The following PELI2 variants were observed in gnomAD, a reference collection of about 807,000 sequenced individuals.
PELI2 encodes the protein E3 ubiquitin-protein ligase pellino homolog 2.
In PELI2, 23 loss-of-function variants were observed where a neutral mutation model predicts 42.3. That is an observed-to-expected ratio of 0.54 (90% CI 0.39 to 0.77). PELI2 has a LOEUF of 0.77. Among genes scored for constraint, PELI2 ranks in the 30% least tolerant of loss-of-function variants. The pLI, the probability that PELI2 is intolerant of heterozygous loss-of-function variation, is 0.00. For synonymous variants in PELI2, 245 were observed against 212.2 expected (o/e 1.15, Z -1.34); for missense variants, 463 against 553.2 (o/e 0.84, Z 1.64).
intron 2 of PELI2, among the ~76,000 whole-genome samples, chr14:56,247,469 C>A (rs1466973903): frequency 1.1e-4 from 17 of 152,252 alleles, no homozygotes; most frequent in Admixed American, 1.1e-3. Flanking sequence ...TTGTCTGAAC[C>A]TACACATATA....
chr14:56,168,923 A>G (rs1885066646), intron 1 of PELI2, among the ~76,000 whole-genome samples: 1 of 151,998 alleles, frequency 6.6e-6, no homozygotes, highest in Non-Finnish European at 1.5e-5. Context: ...CCTTCCCTTC[A>G]AGGCAGTGGG....
intron 2 of PELI2, among the ~76,000 whole-genome samples, chr14:56,183,461 A>G (rs114055163): frequency 0.01 from 1,526 of 152,336 alleles, 28 homozygotes; most frequent in African/African-American, 0.034. Flanking sequence ...CGAAGTATCA[A>G]TATAATATAC....
intron 2 of PELI2, among the ~76,000 whole-genome samples, chr14:56,232,576 T>G (rs918985083): frequency 3.9e-5 from 6 of 151,928 alleles, no homozygotes; most frequent in Admixed American, 6.6e-5. Flanking sequence ...TGCTGAAAAC[T>G]CTCAATAAAC....
chr14:56,165,716 ATCTG>A (rs1423236772), intron 1 of PELI2, among the ~76,000 whole-genome samples: 1 of 152,150 alleles, frequency 6.6e-6, no homozygotes, highest in East Asian at 1.9e-4. Context: ...ATTGGGGCTT[ATCTG>A]TCTATCTAAA....
chr14:56,191,627 C>T (rs959881202), intron 2 of PELI2, among the ~76,000 whole-genome samples: 2 of 152,190 alleles, frequency 1.3e-5, no homozygotes, highest in Admixed American at 6.5e-5. Flanking sequence ...ATGAGGAACT[C>T]CTTCCATTCC....
chr14:56,296,361 A>G (rs1890001282), intron 5 of PELI2, among the ~76,000 whole-genome samples: 1 of 152,220 alleles, frequency 6.6e-6, no homozygotes, highest in Non-Finnish European at 1.5e-5. Flanking sequence ...ATGTAAAGCT[A>G]GGTATACATA....
At chr14:56,243,715 T>C (rs1888057742) in intron 2 of PELI2, among the ~76,000 whole-genome samples, 1 of 152,144 alleles carries the variant, frequency 6.6e-6, no homozygotes, top group Non-Finnish European at 1.5e-5. Flanking sequence ...AAGTGGTTCT[T>C]TGAAGTATAA....
chr14:56,215,969 A>G (rs556016376), intron 2 of PELI2, among the ~76,000 whole-genome samples: 52 of 152,342 alleles, frequency 3.4e-4, no homozygotes, highest in Non-Finnish European at 2.6e-4. Flanking sequence ...AGCTAATAAT[A>G]TGATTTTATT....
chr14:56,155,433 GT>G (rs1884520717), intron 1 of PELI2, among the ~76,000 whole-genome samples: 1 of 152,068 alleles, frequency 6.6e-6, no homozygotes, highest in Non-Finnish European at 1.5e-5. Context: ...AGTAGCTTCA[GT>G]TTCCCTAGCA....
intron 2 of PELI2, among the ~76,000 whole-genome samples, chr14:56,241,094 G>A (rs1887958619): frequency 1.6e-5 from 2 of 126,148 alleles, no homozygotes; most frequent in Admixed American, 1.7e-4. Flanking sequence ...ATCCCCAGGA[G>A]GTTTGAGTAT....
chr14:56,248,079 A>G (rs972827261), intron 2 of PELI2, among the ~76,000 whole-genome samples: 6 of 152,272 alleles, frequency 3.9e-5, no homozygotes, highest in African/African-American at 1.4e-4. Context: ...CCATTTGGCA[A>G]TTTTTTAGCA....
intron 2 of PELI2, among the ~76,000 whole-genome samples, chr14:56,229,892 G>A (rs558793701): frequency 6.6e-6 from 1 of 152,188 alleles, no homozygotes; most frequent in Non-Finnish European, 1.5e-5. Flanking sequence ...AAACAGCCTA[G>A]AGAAGACCTT....
intron 2 of PELI2, among the ~76,000 whole-genome samples, chr14:56,207,059 T>A (rs1044263043): frequency 1.2e-4 from 19 of 152,188 alleles, no homozygotes; most frequent in Non-Finnish European, 2.6e-4. Context: ...TTTAAATTAA[T>A]AACAAAAATT....
In PELI2 at chr14:56,293,972, T is replaced by G. The variant is rs144795361; in HGVS notation, c.697-2628T>G. Among the ~76,000 whole-genome samples the G allele has an allele frequency of 7.0e-3, 1,060 of 152,200 alleles. 10 individuals are homozygous for G. The highest frequency in any genetic ancestry group is 9.7e-3 in the Non-Finnish European group (657 of 68,004). ...CCTGCAATGAGGCCTCCTCTGAGAA[T>G]TGCCTGTGGTCAGCAAGGTCAGGAG... On this transcript the variant is annotated intron_variant, in intron 5 of 5. Transcript: ENST00000267460.
At chr14:56,290,586 A>G in intron 5 of PELI2, 130 bp downstream of exon 5, 1 of 540,882 alleles carries the variant, frequency 1.8e-6, no homozygotes, top group Non-Finnish European at 3.0e-6. Flanking sequence ...AACTCAGGAG[A>G]AGCAGAATTC....
At chr14:56,125,365 G>A (rs1328468075) in intron 1 of PELI2, among the ~76,000 whole-genome samples, 1 of 149,964 alleles carries the variant, frequency 6.7e-6, no homozygotes, top group African/African-American at 2.4e-5. Flanking sequence ...TTCAGAGACT[G>A]CTGGGAGGAA....
In PELI2 at chr14:56,232,028, C is replaced by A. The variant is rs12009287; in HGVS notation, c.208-47648C>A. ...ATCTAGAAGAAATGGATAAATTCCT[C>A]GACACATACACCCTCCCAAGACTAA... On this transcript the variant is annotated intron_variant, in intron 2 of 5. Coordinates refer to ENST00000267460, the MANE Select transcript of PELI2 (RefSeq NM_021255.3). 3.3e-4 allele frequency among the ~76,000 whole-genome samples: 50 copies of A among 152,022 alleles called. No homozygotes were observed. The South Asian group carries it at 0.01, about 32-fold the overall frequency.
intron 2 of PELI2, among the ~76,000 whole-genome samples, chr14:56,185,148 A>G (rs775415322): frequency 6.6e-6 from 1 of 152,142 alleles, no homozygotes; most frequent in Non-Finnish European, 1.5e-5. Flanking sequence ...TTATCCTATT[A>G]TATGTTTTAC....
At chr14:56,241,779 G>A (rs955669683) in intron 2 of PELI2, among the ~76,000 whole-genome samples, 17 of 152,140 alleles carry the variant, frequency 1.1e-4, no homozygotes, top group Non-Finnish European at 1.0e-4. Context: ...AAAGCTGCAC[G>A]CTACTTTTGA....
Sources: gnomAD v4.1 joint callset for allele counts (sites outside exome capture counted in the v4.1 genomes callset) on GRCh38, gnomAD v4.1.1 for gene constraint, MANE v1.5 for transcripts, NCBI Gene and HGNC (gene_info 2026-07-23, HGNC 2026-07-21) for gene names.